DNAAF11: variants seen among roughly 807,000 people sequenced by gnomAD.
The protein encoded by DNAAF11 is dynein axonemal assembly factor 11, also known as leucine rich repeat containing 6.
DNAAF11 carries 45 observed loss-of-function variants against 60.8 expected under a neutral mutation model. That is an observed-to-expected ratio of 0.74 (90% CI 0.58 to 0.95). The LOEUF (loss-of-function observed/expected upper bound fraction) is 0.95. Among genes scored for constraint, DNAAF11 ranks in the 40% least tolerant of loss-of-function variants. The probability of loss-of-function intolerance (pLI) is 0.00; values close to 1 mark genes in which losing one functional copy is unlikely to be tolerated. For missense variants in DNAAF11, 546 were observed against 546.2 expected (o/e 1.00, Z 0.00); for synonymous variants, 191 against 183.5 (o/e 1.04, Z -0.33).
chr8:132,658,851 A>G (rs1407987116), intron 2 of DNAAF11, among the ~76,000 whole-genome samples: 2 of 152,104 alleles, frequency 1.3e-5, no homozygotes, highest in Non-Finnish European at 2.9e-5. Context: ...TCAAAACCCC[A>G]GGGCCCAACT....
In DNAAF11 at chr8:132,572,118, T is replaced by C; in HGVS notation, c.*188A>G. The stretch of plus-strand genomic sequence containing the variant: ...TATAGGTAAATGATGAGTTATAGCA[T>C]TTAAGACATACATTTTAATTTTAAG... On this transcript the variant is annotated 3_prime_UTR_variant, in exon 12 of 12. Coordinates refer to ENST00000620350, the MANE Select transcript of DNAAF11 (RefSeq NM_012472.6). The C allele has an allele frequency of 2.1e-6, 1 of 473,076 alleles. No individual in the cohort carries two copies. Among genetic ancestry groups the C allele is most frequent in the Non-Finnish European group, 3.8e-6 (1 of 266,006 alleles). The allele number at this position is 473,076 out of a possible 1,614,324, so 29.3% of individuals were successfully genotyped here.
At chr8:132,593,047 A>G (rs1816627220) in intron 10 of DNAAF11, among the ~76,000 whole-genome samples, 1 of 152,016 alleles carries the variant, frequency 6.6e-6, no homozygotes, top group Non-Finnish European at 1.5e-5. Context: ...AGTAAGAAAC[A>G]CAAAAGAAAG....
At chr8:132,680,139 CA>C (rs1172844366), upstream of DNAAF11, among the ~76,000 whole-genome samples, 1 of 152,200 alleles carries the variant, frequency 6.6e-6, no homozygotes, top group Non-Finnish European at 1.5e-5. Flanking sequence ...AGTCCACTGA[CA>C]GGGAGGACAA....
chr8:132,613,057 T>C (rs1404560908), intron 8 of DNAAF11, among the ~76,000 whole-genome samples: 1 of 152,134 alleles, frequency 6.6e-6, no homozygotes, highest in Admixed American at 6.5e-5. Flanking sequence ...TGAAAAACAG[T>C]AGAAACGGCA....
At chr8:132,685,208 C>A in the DNAAF11 span, 1 of 152,184 alleles carries the variant, frequency 6.6e-6, no homozygotes, top group Non-Finnish European at 1.5e-5. Flanking sequence ...AGTGTTAGAA[C>A]ACCTGGGTCC....
At chr8:132,656,168 C>G (rs1164865410) in intron 3 of DNAAF11, among the ~76,000 whole-genome samples, 1 of 152,146 alleles carries the variant, frequency 6.6e-6, no homozygotes, top group Non-Finnish European at 1.5e-5. Flanking sequence ...GCCCCACGCC[C>G]CCTTTCCTGG....
rs191144043 is a variant in DNAAF11 at position 132,574,209 on chromosome 8, T to G, written c.1227-1729A>C. Among the ~76,000 whole-genome samples the G allele has an allele frequency of 5.3e-4, 80 of 152,320 alleles. 1 individual carries two copies. The highest frequency in any genetic ancestry group is 1.8e-3 in the African/African-American group (75 of 41,572). ...TTCTGCATAGTCAGTCATCATAAGG[T>G]TGGTGGCTGACTGTGCAGAAAACAG... On this transcript the variant is annotated intron_variant, in intron 11 of 11. Coordinates refer to ENST00000620350, the MANE Select transcript of DNAAF11 (RefSeq NM_012472.6).
the DNAAF11 span, among the ~76,000 whole-genome samples, chr8:132,694,467 G>T: frequency 1.3e-5 from 2 of 152,162 alleles, no homozygotes; most frequent in African/African-American, 4.8e-5. Context: ...AACCAACCCT[G>T]CCAACACCTT....
intron 1 of DNAAF11, among the ~76,000 whole-genome samples, chr8:132,671,756 A>G (rs77503265): frequency 0.014 from 2,185 of 152,194 alleles, 57 homozygotes; most frequent in African/African-American, 0.049. Flanking sequence ...GTTCAATTCA[A>G]TGGAGAGAGC....
At chr8:132,629,636 T>C (rs1205056808) in intron 5 of DNAAF11, among the ~76,000 whole-genome samples, 1 of 152,034 alleles carries the variant, frequency 6.6e-6, no homozygotes, top group Non-Finnish European at 1.5e-5. Flanking sequence ...CATGAGCCAC[T>C]GCGCCCGGCC....
At chr8:132,663,579 C>G (rs926673648) in intron 1 of DNAAF11, among the ~76,000 whole-genome samples, 1 of 152,136 alleles carries the variant, frequency 6.6e-6, no homozygotes, top group Non-Finnish European at 1.5e-5. Flanking sequence ...CAATGACTAA[C>G]GGTATATCTG....
chr8:132,665,831 G>A (rs1421474621), intron 1 of DNAAF11, among the ~76,000 whole-genome samples: 1 of 152,168 alleles, frequency 6.6e-6, no homozygotes, highest in Non-Finnish European at 1.5e-5. Context: ...CAATATCAAA[G>A]TAATGTATTC....
At chr8:132,644,394 C>T (rs1050700584) in intron 3 of DNAAF11, among the ~76,000 whole-genome samples, 1 of 152,184 alleles carries the variant, frequency 6.6e-6, no homozygotes, top group Non-Finnish European at 1.5e-5. Context: ...ATAGGAACAG[C>T]TCCAGTCTAT....
At position 132,595,348 on chromosome 8, in the gene DNAAF11, G is replaced by GAAAAAAAAAAAAAAAAA. The variant is rs71306394; in HGVS notation, c.1141-11586_1141-11570dup. 5.9e-4 allele frequency among the ~76,000 whole-genome samples: 34 copies of GAAAAAAAAAAAAAAAAA among 57,450 alleles called. 6 individuals are homozygous for GAAAAAAAAAAAAAAAAA. The highest frequency in any genetic ancestry group is 3.8e-3 in the African/African-American group (34 of 8,960). 37.7% of individuals were successfully genotyped at this position (57,450 alleles called of 152,430 possible). A position where few individuals can be genotyped will look rare whatever the true frequency, so the allele number is the denominator to read the frequency against. ...TCCCGAAAGAGAGAGAGACAGAGGGGAAAAAAAAAAAAAAAAAAAAAAAAA... is the reference window on the plus strand; with the variant it reads ...TCCCGAAAGAGAGAGAGACAGAGGGGAAAAAAAAAAAAAAAAAAAAAAAAAAAAAAAAAAAAAAAAAA... On this transcript the variant is annotated intron_variant, in intron 10 of 11. Coordinates refer to ENST00000620350, the MANE Select transcript of DNAAF11 (RefSeq NM_012472.6).
intron 4 of DNAAF11, among the ~76,000 whole-genome samples, chr8:132,634,106 T>C (rs1006894821): frequency 6.6e-6 from 1 of 152,172 alleles, no homozygotes; most frequent in African/African-American, 2.4e-5. Flanking sequence ...TAGAATCAGC[T>C]GAATTATAAG....
At position 132,675,476 on chromosome 8, in the gene DNAAF11, G is replaced by A. The variant is rs768402542; in HGVS notation, c.10+8C>T. On this transcript the variant is annotated splice_region_variant and intron_variant, in intron 1 of 11. Coordinates refer to ENST00000620350, the MANE Select transcript of DNAAF11 (RefSeq NM_012472.6). Reference sequence around the variant, plus strand: ...ACGATCGAGGACGGAAGGTGGAGGGGGGCTTACTCCAGCCCATGGCGCCTC... The same window carrying A: ...ACGATCGAGGACGGAAGGTGGAGGGAGGCTTACTCCAGCCCATGGCGCCTC... 1 of 1,566,298 alleles carries A rather than the reference G, an allele frequency of 6.4e-7. No homozygotes were observed. The highest frequency in any genetic ancestry group is 8.7e-7 in the Non-Finnish European group (1 of 1,153,200).
intron 3 of DNAAF11, among the ~76,000 whole-genome samples, chr8:132,651,015 G>A (rs1822957367): frequency 6.6e-6 from 1 of 152,132 alleles, no homozygotes. Context: ...TGCCAAACTG[G>A]CCAAGCTTGA....
At chr8:132,617,462 A>G (rs1819289667) in intron 7 of DNAAF11, among the ~76,000 whole-genome samples, 2 of 152,196 alleles carry the variant, frequency 1.3e-5, no homozygotes, top group African/African-American at 4.8e-5. Context: ...GTTGGTGTAT[A>G]AGAATGCTTG....
chr8:132,575,890 G>T (rs1445564069), intron 11 of DNAAF11, among the ~76,000 whole-genome samples: 1 of 152,164 alleles, frequency 6.6e-6, no homozygotes, highest in Non-Finnish European at 1.5e-5. Context: ...AGCTTGGATG[G>T]CTGGGTAAGG....
Sources: allele counts gnomAD v4.1 joint callset (sites outside exome capture counted in the v4.1 genomes callset), GRCh38; gene constraint gnomAD v4.1.1; transcripts MANE v1.5; gene names NCBI Gene and HGNC (gene_info 2026-07-23, HGNC 2026-07-21).